Variants in GOLIM4 observed in about 807,000 individuals in gnomAD.
GOLIM4 encodes 130 kDa golgi-localized phosphoprotein.
A neutral mutation model predicts 107.4 loss-of-function variants in GOLIM4; 71 were observed. The observed-to-expected ratio is 0.66, with a 90% CI of 0.55 to 0.81. The LOEUF is 0.81. Ranked by LOEUF, GOLIM4 falls within the 30% of genes least tolerant of loss-of-function variation. The probability of loss-of-function intolerance (pLI) is 0.00; values close to 1 mark genes in which losing one functional copy is unlikely to be tolerated. For missense variants in GOLIM4, 830 were observed against 826.1 expected (o/e 1.00, Z -0.06); for synonymous variants, 327 against 294.8 (o/e 1.11, Z -1.12).
intron 6 of GOLIM4, 170 bp downstream of exon 6, chr3:168,041,222 A>C (rs1187521396): frequency 1.9e-6 from 1 of 540,342 alleles, no homozygotes; most frequent in African/African-American, 1.9e-5. Flanking sequence ...ACCATCTTTT[A>C]GCTTACAATG....
chr3:168,049,782 T>C (rs772140208), intron 1 of GOLIM4, among the ~76,000 whole-genome samples: 2 of 152,188 alleles, frequency 1.3e-5, no homozygotes, highest in Non-Finnish European at 2.9e-5. Flanking sequence ...ATTGTTATGA[T>C]GGCCAACAAC....
intron 14 of GOLIM4, 77 bp from the exon 15 acceptor site, chr3:168,010,900 C>A (rs1716973875): frequency 2.1e-6 from 2 of 958,190 alleles, no homozygotes; most frequent in African/African-American, 1.6e-5. Flanking sequence ...ACACTGTTAT[C>A]ATTTAAAGAC....
At chr3:168,070,064 G>T (rs1720757295) in intron 1 of GOLIM4, among the ~76,000 whole-genome samples, 2 of 152,132 alleles carry the variant, frequency 1.3e-5, no homozygotes, top group Non-Finnish European at 2.9e-5. Flanking sequence ...AGGCCAAGTA[G>T]CTAGGTAACT....
chr3:168,075,484 G>A (rs1721037178), intron 1 of GOLIM4, among the ~76,000 whole-genome samples: 2 of 151,526 alleles, frequency 1.3e-5, no homozygotes, highest in Non-Finnish European at 2.9e-5. Context: ...ATTTTTAGTA[G>A]AGACGGGGTT....
At chr3:168,039,589 C>T (rs1182222390) in intron 7 of GOLIM4, among the ~76,000 whole-genome samples, 1 of 151,958 alleles carries the variant, frequency 6.6e-6, no homozygotes, top group East Asian at 1.9e-4. Flanking sequence ...ATTATAAAAC[C>T]CTGTGAGTAA....
At chr3:168,079,644 C>G (rs529570073) in intron 1 of GOLIM4, among the ~76,000 whole-genome samples, 9 of 152,194 alleles carry the variant, frequency 5.9e-5, no homozygotes, top group Admixed American at 2.0e-4. Context: ...ATGCCCAATA[C>G]TTTGTTCAGG....
intron 5 of GOLIM4, among the ~76,000 whole-genome samples, chr3:168,042,239 C>T (rs116466000): frequency 0.016 from 2,500 of 151,996 alleles, 74 homozygotes; most frequent in African/African-American, 0.057. Flanking sequence ...TATTTAGCAC[C>T]TATTTTTTTT....
At chr3:168,014,883 C>T (rs1393271859) in intron 14 of GOLIM4, among the ~76,000 whole-genome samples, 10 of 150,296 alleles carry the variant, frequency 6.7e-5, no homozygotes, top group Non-Finnish European at 1.2e-4. Context: ...ATTGATGGGA[C>T]GTATTTCAAA....
intron 3 of GOLIM4, among the ~76,000 whole-genome samples, chr3:168,045,231 A>G (rs532026375): frequency 6.6e-6 from 1 of 152,252 alleles, no homozygotes; most frequent in Admixed American, 6.5e-5. Flanking sequence ...CAGGGCTAAT[A>G]TATGCGCTGG....
chr3:168,028,048 T>A (rs539574793), intron 11 of GOLIM4, among the ~76,000 whole-genome samples: 1 of 152,312 alleles, frequency 6.6e-6, no homozygotes, highest in Non-Finnish European at 1.5e-5. Flanking sequence ...GGTCAGACAC[T>A]TTTCTTCTAA....
At chr3:168,054,615 CAT>C (rs1719839065) in intron 1 of GOLIM4, among the ~76,000 whole-genome samples, 1 of 151,358 alleles carries the variant, frequency 6.6e-6, no homozygotes, top group Non-Finnish European at 1.5e-5. Context: ...ATTAATTAAA[CAT>C]AATTTATTAA....
chr3:168,090,070 T>C (rs1374231513), intron 1 of GOLIM4, among the ~76,000 whole-genome samples: 2 of 152,154 alleles, frequency 1.3e-5, no homozygotes, highest in African/African-American at 4.8e-5. Flanking sequence ...GCCTGGCCAA[T>C]GTTTCCTTTC....
chr3:168,052,109 GT>G (rs1430275015), intron 1 of GOLIM4, among the ~76,000 whole-genome samples: 1 of 152,136 alleles, frequency 6.6e-6, no homozygotes, highest in Non-Finnish European at 1.5e-5. Flanking sequence ...GTGAACTTCA[GT>G]TTCCTTGTAC....
At chr3:168,050,692 A>G (rs886076046) in intron 1 of GOLIM4, among the ~76,000 whole-genome samples, 6 of 152,080 alleles carry the variant, frequency 3.9e-5, no homozygotes, top group African/African-American at 1.4e-4. Context: ...GATTGCACTA[A>G]TGGACATATT....
chr3:168,055,384 A>G (rs1389040701), intron 1 of GOLIM4, among the ~76,000 whole-genome samples: 1 of 152,224 alleles, frequency 6.6e-6, no homozygotes, highest in Non-Finnish European at 1.5e-5. Context: ...GGCTTCTGTT[A>G]TATTTTAGCA....
At chr3:168,016,425 C>T (rs573338719) in intron 14 of GOLIM4, among the ~76,000 whole-genome samples, 19 of 130,064 alleles carry the variant, frequency 1.5e-4, no homozygotes, top group South Asian at 4.3e-4. Context: ...GAAATAGGAA[C>T]GCTTTTACAC....
At chr3:168,043,346 A>C in intron 5 of GOLIM4, 33 bp downstream of exon 5, 6 of 1,483,044 alleles carry the variant, frequency 4.0e-6, no homozygotes, top group Non-Finnish European at 5.6e-6. Context: ...GTACTTATTT[A>C]GAGATAAACT....
At chr3:168,031,219 T>C (rs1050949219) in intron 9 of GOLIM4, among the ~76,000 whole-genome samples, 1 of 152,174 alleles carries the variant, frequency 6.6e-6, no homozygotes, top group African/African-American at 2.4e-5. Context: ...TGATGAATGG[T>C]ACAAACATAT....
chr3:168,089,581 T>G (rs542426627), intron 1 of GOLIM4, among the ~76,000 whole-genome samples: 9 of 152,272 alleles, frequency 5.9e-5, no homozygotes, highest in Admixed American at 5.2e-4. Context: ...CAAAATAAGA[T>G]AGCAGAAAAT....
Sources: gnomAD v4.1 joint callset for allele counts (sites outside exome capture counted in the v4.1 genomes callset) on GRCh38, gnomAD v4.1.1 for gene constraint, MANE v1.5 for transcripts, NCBI Gene and HGNC (gene_info 2026-07-23, HGNC 2026-07-21) for gene names.